GSTCD: variants seen among roughly 807,000 people sequenced by gnomAD.
GSTCD encodes the protein glutathione S-transferase C-terminal domain-containing protein.
GSTCD carries 44 observed loss-of-function variants against 68.3 expected under a neutral mutation model. That is an observed-to-expected ratio of 0.64 (90% CI 0.51 to 0.83). GSTCD has a LOEUF of 0.83. GSTCD is among the 40% of genes least tolerant of loss of function. The pLI is 0.00. For synonymous variants in GSTCD, 273 were observed against 255.2 expected (o/e 1.07, Z -0.67); for missense variants, 739 against 735.9 (o/e 1.00, Z -0.05).
At position 105,732,684 on chromosome 4, in the gene GSTCD, A is replaced by G. The variant is rs555095881; in HGVS notation, c.1240+3185A>G. On this transcript the variant is annotated intron_variant, in intron 5 of 11. Coordinates refer to ENST00000515279, the MANE Select transcript of GSTCD (RefSeq NM_001370181.1). Reference sequence around the variant, plus strand: ...TTTTTGAAGGGTTTTTTGTGTCTCTATCTCCTTCAGTTCTGCTCTGATCTC... The same window carrying G: ...TTTTTGAAGGGTTTTTTGTGTCTCTGTCTCCTTCAGTTCTGCTCTGATCTC... 2.8e-4 allele frequency among the ~76,000 whole-genome samples: 42 copies of G among 152,010 alleles called. 1 individual carries two copies. Among genetic ancestry groups the G allele is most frequent in the Middle Eastern group, 3.4e-3 (1 of 294 alleles).
chr4:105,797,045 C>CGTGTGTGTGTGTGTGTGTGTGT (rs527275501), intron 5 of GSTCD, among the ~76,000 whole-genome samples: 2 of 140,324 alleles, frequency 1.4e-5, no homozygotes, highest in South Asian at 2.2e-4. Context: ...GACAGAGATA[C>CGTGTGTGTGTGTGTGTGTGTGT]ATGTGTGTGT....
At chr4:105,839,112 G>A (rs766680892) in intron 10 of GSTCD, among the ~76,000 whole-genome samples, 20 of 151,776 alleles carry the variant, frequency 1.3e-4, no homozygotes, top group African/African-American at 4.1e-4. Flanking sequence ...TACCAACCCC[G>A]CACCCTGTAC....
At chr4:105,827,349 G>A (rs1723686753) in intron 8 of GSTCD, among the ~76,000 whole-genome samples, 1 of 152,116 alleles carries the variant, frequency 6.6e-6, no homozygotes, top group African/African-American at 2.4e-5. Flanking sequence ...GCATATTCTT[G>A]TAACTTCCAA....
chr4:105,753,452 C>G (rs1243183495), intron 5 of GSTCD, among the ~76,000 whole-genome samples: 1 of 151,786 alleles, frequency 6.6e-6, no homozygotes, highest in Non-Finnish European at 1.5e-5. Context: ...TCATGAACCA[C>G]CCTAGGATTA....
Position 105,822,936 on chromosome 4 carries a change from A to C in GSTCD, c.1241-18A>C. On this transcript the variant is annotated intron_variant, in intron 5 of 11. Transcript: ENST00000515279. ...AAATATATAATGTTTTGTGTTCTTC[A>C]TTTCTTGTCTTTCTCAGGTAAAATG... 1.3e-6 allele frequency: 2 copies of C among 1,570,750 alleles called. No individual in the cohort carries two copies. Among genetic ancestry groups the C allele is most frequent in the African/African-American group, 2.7e-5 (2 of 73,940 alleles).
At chr4:105,755,950 G>A (rs1444831293) in intron 5 of GSTCD, among the ~76,000 whole-genome samples, 1 of 150,118 alleles carries the variant, frequency 6.7e-6, no homozygotes, top group Non-Finnish European at 1.5e-5. Context: ...TGGGTACATG[G>A]TTCCCACCAC....
intron 5 of GSTCD, among the ~76,000 whole-genome samples, chr4:105,750,192 G>C (rs1324428986): frequency 6.6e-6 from 1 of 152,198 alleles, no homozygotes; most frequent in Non-Finnish European, 1.5e-5. Flanking sequence ...GGCCGGGCGT[G>C]GTGGCTCACG....
At chr4:105,763,186 G>T (rs1734479071) in intron 5 of GSTCD, among the ~76,000 whole-genome samples, 1 of 152,120 alleles carries the variant, frequency 6.6e-6, no homozygotes, top group Admixed American at 6.6e-5. Flanking sequence ...AAATTTGTCT[G>T]TTATGAACCC....
intron 9 of GSTCD, among the ~76,000 whole-genome samples, chr4:105,836,317 G>A (rs781106910): frequency 2.6e-5 from 4 of 152,212 alleles, no homozygotes; most frequent in Non-Finnish European, 4.4e-5. Context: ...AAGTGCATGC[G>A]ATTGGTCCAT....
At chr4:105,782,925 T>C (rs2149250536) in intron 5 of GSTCD, among the ~76,000 whole-genome samples, 1 of 152,348 alleles carries the variant, frequency 6.6e-6, no homozygotes, top group Non-Finnish European at 1.5e-5. Flanking sequence ...AATGTATTTT[T>C]AAAAATAACT....
At chr4:105,825,535 A>G (rs1013716516) in intron 7 of GSTCD, 137 bp from the exon 8 acceptor site, 1 of 503,152 alleles carries the variant, frequency 2.0e-6, no homozygotes, top group African/African-American at 2.0e-5. Context: ...AGATTATGTG[A>G]CATACTTCCT....
At chr4:105,823,349 C>A in intron 7 of GSTCD, 74 bp downstream of exon 7, 1 of 1,339,496 alleles carries the variant, frequency 7.5e-7, no homozygotes, top group South Asian at 1.2e-5. Context: ...TGGTTTATCC[C>A]GCTCTTGGAG....
chr4:105,836,699 C>T (rs1193615318), intron 9 of GSTCD, among the ~76,000 whole-genome samples: 1 of 152,198 alleles, frequency 6.6e-6, no homozygotes, highest in Non-Finnish European at 1.5e-5. Context: ...CACCACAGTG[C>T]CTGGGCTCAG....
chr4:105,750,665 C>A (rs1481347715), intron 5 of GSTCD, among the ~76,000 whole-genome samples: 1 of 151,992 alleles, frequency 6.6e-6, no homozygotes, highest in African/African-American at 2.4e-5. Context: ...AGAAAAATAA[C>A]AACTTATATT....
intron 5 of GSTCD, among the ~76,000 whole-genome samples, chr4:105,774,877 C>G (rs948763313): frequency 2.0e-5 from 3 of 152,084 alleles, no homozygotes; most frequent in African/African-American, 4.8e-5. Flanking sequence ...CTCTGTATTT[C>G]CTGAATTTGA....
At chr4:105,829,167 A>G (rs901894679) in intron 8 of GSTCD, among the ~76,000 whole-genome samples, 1 of 150,858 alleles carries the variant, frequency 6.6e-6, no homozygotes, top group Admixed American at 6.6e-5. Flanking sequence ...GAAAAGAACT[A>G]CAGATACTAC....
intron 5 of GSTCD, among the ~76,000 whole-genome samples, chr4:105,778,081 G>A (rs1184935833): frequency 2.6e-5 from 4 of 152,188 alleles, no homozygotes; most frequent in Non-Finnish European, 4.4e-5. Flanking sequence ...GAACTTTCAC[G>A]TCTGAGTTAT....
chr4:105,787,101 AT>A (rs1270030568), intron 5 of GSTCD, among the ~76,000 whole-genome samples: 3 of 152,272 alleles, frequency 2.0e-5, no homozygotes, highest in Non-Finnish European at 4.4e-5. Context: ...TAATTTACAT[AT>A]GCTGAGAATG....
At chr4:105,761,769 A>G (rs1734420057) in intron 5 of GSTCD, 1 of 152,220 alleles carries the variant, frequency 6.6e-6, no homozygotes, top group Non-Finnish European at 1.5e-5. Flanking sequence ...AAACAGAGAA[A>G]ATTATCTGTA....
Sources: gnomAD v4.1 joint callset for allele counts (sites outside exome capture counted in the v4.1 genomes callset) on GRCh38, gnomAD v4.1.1 for gene constraint, MANE v1.5 for transcripts, NCBI Gene and HGNC (gene_info 2026-07-23, HGNC 2026-07-21) for gene names.